TSGA10: variants seen among roughly 807,000 people sequenced by gnomAD.
TSGA10 encodes the protein testis-specific gene 10 protein.
Under a neutral mutation model 96.6 loss-of-function variants are expected in TSGA10, and 43 were observed. The ratio of observed to expected loss-of-function variants is 0.44; its 90% CI spans 0.35 to 0.57. The LOEUF (loss-of-function observed/expected upper bound fraction) is 0.57, where lower values mean the gene tolerates loss of function less well. Ranked by LOEUF, TSGA10 falls within the 20% of genes least tolerant of loss-of-function variation. TSGA10 has a pLI of 0.01. For synonymous variants in TSGA10, 229 were observed against 269.9 expected (o/e 0.85, Z 1.48); for missense variants, 703 against 834.4 (o/e 0.84, Z 1.94).
intron 16 of TSGA10, among the ~76,000 whole-genome samples, chr2:99,042,708 C>CTTT (rs762749031): frequency 6.9e-6 from 1 of 144,574 alleles, no homozygotes; most frequent in Non-Finnish European, 1.5e-5. Context: ...GTTTTGTGAG[C>CTTT]TTTTTTTTTT....
chr2:99,062,593 G>C (rs1362251887), intron 16 of TSGA10, among the ~76,000 whole-genome samples: 1 of 152,046 alleles, frequency 6.6e-6, no homozygotes, highest in Non-Finnish European at 1.5e-5. Flanking sequence ...AAAATTAGCT[G>C]GGTGTGGTGA....
chr2:99,123,965 CG>C (rs2092703912), intron 2 of TSGA10, among the ~76,000 whole-genome samples: 2 of 152,106 alleles, frequency 1.3e-5, no homozygotes, highest in African/African-American at 2.4e-5. Context: ...TACTGGAGTC[CG>C]TGTTTTCAAC....
chr2:99,072,905 G>T, intron 13 of TSGA10, 113 bp downstream of exon 13: 1 of 691,426 alleles, frequency 1.4e-6, no homozygotes, highest in Non-Finnish European at 2.5e-6. Flanking sequence ...TTTGATGAGA[G>T]AGTTAGCACC....
At chr2:99,024,367 C>T (rs931954819) in intron 17 of TSGA10, among the ~76,000 whole-genome samples, 3 of 152,204 alleles carry the variant, frequency 2.0e-5, no homozygotes, top group African/African-American at 7.2e-5. Context: ...GGATTACAGG[C>T]ATAAGCCACC....
chr2:99,037,615 G>A (rs1158755335), intron 16 of TSGA10, among the ~76,000 whole-genome samples: 7 of 152,070 alleles, frequency 4.6e-5, no homozygotes, highest in African/African-American at 2.4e-5. Context: ...TTGGGAGGCC[G>A]AGGCAGGTGG....
intron 20 of TSGA10, among the ~76,000 whole-genome samples, chr2:99,004,087 T>C (rs1184003526): frequency 2.0e-5 from 3 of 151,942 alleles, no homozygotes; most frequent in African/African-American, 7.3e-5. Flanking sequence ...AAGAATCAAA[T>C]AGATGCAATA....
At position 99,035,380 on chromosome 2, in the gene TSGA10, T is replaced by C. The variant is rs1047213538; in HGVS notation, c.1464A>G (p.Val488=). 6.2e-7 allele frequency: 1 copy of C among 1,613,060 alleles called. No individual in the cohort carries two copies. Among genetic ancestry groups the C allele is most frequent in the Non-Finnish European group, 8.5e-7 (1 of 1,179,378 alleles). ...CCTTCTGAAGCTCCTCTTCCATTTTTACAACAGATTTATGTAAGGTAGAAA... is the reference window on the plus strand; with the variant it reads ...CCTTCTGAAGCTCCTCTTCCATTTTCACAACAGATTTATGTAAGGTAGAAA... ...SQISTLHKSV[V]KMEEELQKVQ... is the part of the protein sequence containing the mutation. The change falls in exon 17 of 21, where the codon GTA becomes GTG. Residue 488 remains valine (V), a synonymous_variant. Coordinates refer to ENST00000393483, the MANE Select transcript of TSGA10 (RefSeq NM_025244.4).
At chr2:99,148,127 A>G (rs904216708) in intron 1 of TSGA10, 1 of 152,136 alleles carries the variant, frequency 6.6e-6, no homozygotes, top group Non-Finnish European at 1.5e-5. Flanking sequence ...CTTTCATAAC[A>G]TTGACATTTT....
chr2:99,062,371 C>T (rs2104446620), intron 16 of TSGA10, among the ~76,000 whole-genome samples: 1 of 152,244 alleles, frequency 6.6e-6, no homozygotes, highest in Admixed American at 6.5e-5. Context: ...AAACATTAGA[C>T]AATAAGATAT....
chr2:99,112,339 C>A (rs532600931), intron 4 of TSGA10, among the ~76,000 whole-genome samples: 2 of 152,162 alleles, frequency 1.3e-5, no homozygotes, highest in South Asian at 2.1e-4. Context: ...ATACAAGGAG[C>A]GCTCACGTTC....
rs1180738494 is a variant in TSGA10, at chr2:98,997,604, A to G, written c.*593T>C. The stretch of plus-strand genomic sequence containing the variant: ...AAGCAGTAGTAGTAAACACAATTGT[A>G]GAATATGTATGTTACTTAGTCTTTG... On this transcript the variant is annotated 3_prime_UTR_variant, in exon 21 of 21. Transcript: ENST00000393483. 1 of 152,194 alleles carries G rather than the reference A, an allele frequency of 6.6e-6. No homozygotes were observed. The highest frequency in any genetic ancestry group is 1.5e-5 in the Non-Finnish European group (1 of 68,006). The allele number at this position is 152,194 out of a possible 1,614,324, so 9.4% of individuals were successfully genotyped here. A position where few individuals can be genotyped will look rare whatever the true frequency, so the allele number is the denominator to read the frequency against.
chr2:99,064,168 T>G (rs2084999118), intron 16 of TSGA10, among the ~76,000 whole-genome samples: 1 of 152,092 alleles, frequency 6.6e-6, no homozygotes, highest in African/African-American at 2.4e-5. Context: ...GGCATAAATA[T>G]AGGGAAACAT....
At chr2:99,103,345 CCT>C (rs1408512526) in intron 10 of TSGA10, among the ~76,000 whole-genome samples, 1 of 152,136 alleles carries the variant, frequency 6.6e-6, no homozygotes, top group East Asian at 1.9e-4. Flanking sequence ...ATCTGTAGAA[CCT>C]CTGTTTCTCA....
chr2:99,125,402 C>G lies in TSGA10; in HGVS notation c.-492+1646G>C, dbSNP rs183141648. 5.9e-5 allele frequency: 9 copies of G among 152,244 alleles called. No homozygotes were observed. The East Asian group carries it at 1.5e-3, about 26-fold the overall frequency. The allele number at this position is 152,244 out of a possible 1,614,324, so 9.4% of individuals were successfully genotyped here. ...GTTCCAAAATGTCCATTTGGTTCTT[C>G]TTTACATCTCTTATTTTTTCCTGAG... On this transcript the variant is annotated intron_variant, in intron 2 of 20. Coordinates refer to ENST00000393483, the MANE Select transcript of TSGA10 (RefSeq NM_025244.4).
At chr2:99,036,322 CT>C (rs1445030631) in intron 16 of TSGA10, among the ~76,000 whole-genome samples, 2 of 152,020 alleles carry the variant, frequency 1.3e-5, no homozygotes, top group East Asian at 3.9e-4. Context: ...TCCAAGCCAA[CT>C]TTTTATCCAT....
intron 1 of TSGA10, chr2:99,141,194 C>G: frequency 8.5e-7 from 1 of 1,180,956 alleles, no homozygotes; most frequent in South Asian, 1.4e-5. Context: ...CGCCCACTCT[C>G]CATCCTCCGC....
Position 99,078,753 on chromosome 2 carries a change from A to C in TSGA10, c.788T>G (p.Leu263Arg). The C allele has an allele frequency of 6.2e-7, 1 of 1,613,664 alleles. No individual in the cohort carries two copies. The highest frequency in any genetic ancestry group is 8.5e-7 in the Non-Finnish European group (1 of 1,179,854). Residue 263 changes from leucine (L) to arginine (R), a missense_variant, in exon 12 of 21, where the codon CTC (leucine) becomes CGC (arginine). Physicochemically the swap from Leu to Arg is moderately radical, Grantham distance 102 (BLOSUM62 -2). Transcript: ENST00000393483. ...TTCCTTTTCTTTAGCCAGATCATTGAGGGTTCCACCAAGAATGCTGATTTC... is the reference window on the plus strand; with the variant it reads ...TTCCTTTTCTTTAGCCAGATCATTGCGGGTTCCACCAAGAATGCTGATTTC... ...REEISILGGT[L>R]NDLAKEKECL...
At position 99,154,882 on chromosome 2, in the gene TSGA10, A is replaced by C. The variant is rs1310110240; in HGVS notation, c.-810T>G. 5.4e-6 allele frequency: 2 copies of C among 367,232 alleles called. No individual in the cohort carries two copies. The highest frequency in any genetic ancestry group is 7.7e-5 in the East Asian group (1 of 12,932). 22.7% of individuals were successfully genotyped at this position (367,232 alleles called of 1,614,324 possible). A position where few individuals can be genotyped will look rare whatever the true frequency, so the allele number is the denominator to read the frequency against. On this transcript the variant is annotated 5_prime_UTR_variant, in exon 1 of 21. Coordinates refer to ENST00000393483, the MANE Select transcript of TSGA10 (RefSeq NM_025244.4). ...CGGGACCCCACGGCTCCGCAGGCGG[A>C]GAGACTAGGCGCGATCCCTGCGCGC... is the stretch of plus-strand genomic sequence containing the variant.
intron 17 of TSGA10, among the ~76,000 whole-genome samples, chr2:99,033,762 C>A (rs553646635): frequency 2.9e-4 from 44 of 152,082 alleles, no homozygotes; most frequent in Admixed American, 1.9e-3. Context: ...ATTGTTTGAA[C>A]CCGGGAGGCG....
Sources: allele counts gnomAD v4.1 joint callset (sites outside exome capture counted in the v4.1 genomes callset), GRCh38; gene constraint gnomAD v4.1.1; transcripts MANE v1.5; gene names NCBI Gene and HGNC (gene_info 2026-07-23, HGNC 2026-07-21).